The following EYS variants were observed in gnomAD, a reference collection of about 807,000 sequenced individuals.
EYS encodes the protein EGF-like photoreceptor maintenance factor, also known as protein eyes shut homolog.
Under a neutral mutation model 282.1 loss-of-function variants are expected in EYS, and 250 were observed. The observed-to-expected ratio is 0.89, with a 90% CI of 0.80 to 0.98. The LOEUF (loss-of-function observed/expected upper bound fraction) is 0.98, where lower values mean the gene tolerates loss of function less well. EYS is among the 50% of genes least tolerant of loss of function. The pLI, the probability that EYS is intolerant of heterozygous loss-of-function variation, is 0.00. For synonymous variants in EYS, 1,355 were observed against 1,282.9 expected, an observed-to-expected ratio of 1.06 and a Z score of -1.20; for missense variants, 4,016 against 3,709.0, an observed-to-expected ratio of 1.08 and a Z score of -2.15.
chr6:64,148,405 T>C (rs1249075041), intron 31 of EYS, among the ~76,000 whole-genome samples: 1 of 152,194 alleles, frequency 6.6e-6, no homozygotes, highest in African/African-American at 2.4e-5. Context: ...CTTTTTCTTA[T>C]GTAGTACACA....
intron 5 of EYS, among the ~76,000 whole-genome samples, chr6:65,482,394 G>A (rs1283939228): frequency 6.6e-6 from 1 of 152,130 alleles, no homozygotes; most frequent in Non-Finnish European, 1.5e-5. Context: ...TGAGAGCAAG[G>A]ACTAGTTCAA....
At chr6:64,448,747 G>A (rs1053185161) in intron 26 of EYS, among the ~76,000 whole-genome samples, 9 of 152,176 alleles carry the variant, frequency 5.9e-5, no homozygotes, top group African/African-American at 2.2e-4. Flanking sequence ...GGCAAACAGG[G>A]TCTGGAGTGG....
chr6:64,233,404 A>G (rs1239290534), intron 30 of EYS, among the ~76,000 whole-genome samples: 1 of 152,208 alleles, frequency 6.6e-6, no homozygotes, highest in Non-Finnish European at 1.5e-5. Flanking sequence ...AAATGTATTC[A>G]ATTTGTTATA....
intron 7 of EYS, among the ~76,000 whole-genome samples, chr6:65,401,343 T>C (rs906541358): frequency 2.6e-5 from 4 of 151,534 alleles, no homozygotes; most frequent in South Asian, 4.1e-4. Flanking sequence ...TGAGTCAGAG[T>C]TAGCAATTTT....
chr6:64,182,489 CTT>C (rs1372002078), intron 31 of EYS, among the ~76,000 whole-genome samples: 3 of 152,076 alleles, frequency 2.0e-5, no homozygotes, highest in Non-Finnish European at 2.9e-5. Flanking sequence ...CCTCCATTCT[CTT>C]TTCATTTTTT....
At chr6:63,809,424 G>A (rs572523746) in intron 36 of EYS, among the ~76,000 whole-genome samples, 1 of 152,246 alleles carries the variant, frequency 6.6e-6, no homozygotes, top group East Asian at 1.9e-4. Context: ...AGATTGTAAT[G>A]GGACTATTTT....
chr6:65,502,169 A>G (rs1766477491), intron 2 of EYS, among the ~76,000 whole-genome samples: 1 of 151,746 alleles, frequency 6.6e-6, no homozygotes, highest in Non-Finnish European at 1.5e-5. Context: ...ACTTATAGAC[A>G]AAAATGTTTT....
At chr6:65,271,500 A>C (rs1378747467) in intron 12 of EYS, among the ~76,000 whole-genome samples, 2 of 152,062 alleles carry the variant, frequency 1.3e-5, no homozygotes, top group African/African-American at 4.8e-5. Flanking sequence ...CTCTTCCAGA[A>C]ACATCCTTAA....
intron 31 of EYS, among the ~76,000 whole-genome samples, chr6:64,197,979 T>TTTTATTTA (rs368337390): frequency 4.3e-4 from 60 of 140,514 alleles, no homozygotes; most frequent in Middle Eastern, 3.6e-3. Flanking sequence ...TCTTTTTAAT[T>TTTTATTTA]TTTATTTATT....
chr6:63,923,889 C>T (rs1764642560), intron 35 of EYS, among the ~76,000 whole-genome samples: 1 of 152,156 alleles, frequency 6.6e-6, no homozygotes, highest in Non-Finnish European at 1.5e-5. Flanking sequence ...CTTTACTCTC[C>T]TTATAGACTC....
intron 12 of EYS, among the ~76,000 whole-genome samples, chr6:65,248,857 A>G (rs1329206676): frequency 2.2e-4 from 34 of 151,984 alleles, no homozygotes; most frequent in Non-Finnish European, 2.9e-5. Flanking sequence ...ATTCAGATTG[A>G]TATGTATGTG....
chr6:64,879,799 G>A (rs1421371731), intron 19 of EYS, among the ~76,000 whole-genome samples: 1 of 151,890 alleles, frequency 6.6e-6, no homozygotes, highest in African/African-American at 2.4e-5. Context: ...TTGGTTAGGG[G>A]GATAGGGATA....
intron 33 of EYS, among the ~76,000 whole-genome samples, chr6:64,019,656 G>A (rs889390336): frequency 1.3e-5 from 2 of 151,624 alleles, no homozygotes; most frequent in Non-Finnish European, 2.9e-5. Context: ...TGATCTGCCC[G>A]CCTCGGCCTC....
At chr6:64,659,611 T>C in intron 22 of EYS, among the ~76,000 whole-genome samples, 1 of 152,150 alleles carries the variant, frequency 6.6e-6, no homozygotes, top group Non-Finnish European at 1.5e-5. Flanking sequence ...TAAACACCTC[T>C]AAGCAAATAA....
intron 5 of EYS, among the ~76,000 whole-genome samples, chr6:65,416,060 T>C (rs941432351): frequency 2.6e-5 from 4 of 151,842 alleles, no homozygotes; most frequent in East Asian, 3.9e-4. Flanking sequence ...CCATATAATT[T>C]AATTGCACAA....
chr6:64,593,502 T>C (rs1280014432), intron 24 of EYS, among the ~76,000 whole-genome samples, 193 bp from the exon 25 acceptor site: 5 of 152,166 alleles, frequency 3.3e-5, no homozygotes, highest in Non-Finnish European at 7.4e-5. Flanking sequence ...TCCTTTCAAT[T>C]TGAGATATGC....
intron 12 of EYS, among the ~76,000 whole-genome samples, chr6:65,192,293 CTG>C (rs58238401): frequency 0.54 from 77,512 of 142,686 alleles, 21,717 homozygotes; most frequent in East Asian, 0.72. Flanking sequence ...TTTTTCTACT[CTG>C]TGTGTGTGTG....
chr6:64,222,886 A>T (rs767117930), intron 31 of EYS, among the ~76,000 whole-genome samples: 8 of 151,760 alleles, frequency 5.3e-5, no homozygotes, highest in Non-Finnish European at 1.2e-4. Context: ...TTTCTTCAGT[A>T]ATTTGTTTTA....
At chr6:63,881,136 G>T (rs953459814) in intron 35 of EYS, among the ~76,000 whole-genome samples, 13 of 152,010 alleles carry the variant, frequency 8.6e-5, no homozygotes, top group Non-Finnish European at 1.5e-4. Context: ...CCCCTCAATT[G>T]CTCCTTCAGA....
Sources: allele counts gnomAD v4.1 joint callset (sites outside exome capture counted in the v4.1 genomes callset), GRCh38; gene constraint gnomAD v4.1.1; transcripts MANE v1.5; gene names NCBI Gene and HGNC (gene_info 2026-07-23, HGNC 2026-07-21).